The following CDH8 variants were observed in gnomAD, a reference collection of about 807,000 sequenced individuals.
CDH8 encodes cadherin-8.
CDH8 carries 17 observed loss-of-function variants against 68.1 expected under a neutral mutation model. The ratio of observed to expected loss-of-function variants is 0.25; its 90% confidence interval spans 0.17 to 0.37. The LOEUF is 0.37. Ranked by LOEUF, CDH8 falls within the 10% of genes least tolerant of loss-of-function variation. The pLI, the probability that CDH8 is intolerant of heterozygous loss-of-function variation, is 1.00. For synonymous variants in CDH8, 372 were observed against 365.1 expected (o/e 1.02, Z -0.21); for missense variants, 763 against 999.3 (o/e 0.76, Z 3.19).
intron 10 of CDH8, 32 bp downstream of exon 10, chr16:61,713,809 T>C: frequency 9.0e-7 from 1 of 1,114,276 alleles, no homozygotes; most frequent in Non-Finnish European, 1.4e-6. Context: ...CAATTTATAT[T>C]GTACTCTGTT....
At chr16:61,761,225 T>A (rs1453133830) in intron 8 of CDH8, among the ~76,000 whole-genome samples, 1 of 152,162 alleles carries the variant, frequency 6.6e-6, no homozygotes, top group Non-Finnish European at 1.5e-5. Flanking sequence ...AAGAAATAAC[T>A]GCCAATTTCA....
At chr16:61,874,314 T>C (rs72798767) in intron 3 of CDH8, among the ~76,000 whole-genome samples, 5 of 152,056 alleles carry the variant, frequency 3.3e-5, no homozygotes, top group South Asian at 2.1e-4. Context: ...CATTTTCTAC[T>C]TATGATATTT....
chr16:61,940,092 A>G (rs1368518099), intron 2 of CDH8: 2 of 152,202 alleles, frequency 1.3e-5, no homozygotes, highest in Non-Finnish European at 2.9e-5. Context: ...TATCAAAGAG[A>G]AAATACAATT....
At chr16:61,654,816 A>G (rs942720946) in intron 11 of CDH8, among the ~76,000 whole-genome samples, 13 of 152,144 alleles carry the variant, frequency 8.5e-5, no homozygotes, top group Non-Finnish European at 1.9e-4. Context: ...TACCGTCTTT[A>G]TGGTGTTTTG....
chr16:61,680,868 C>A (rs1393791651), intron 10 of CDH8, among the ~76,000 whole-genome samples: 1 of 151,800 alleles, frequency 6.6e-6, no homozygotes. Context: ...GCTGAAAGAA[C>A]AAATAAATGT....
chr16:61,783,596 G>T (rs1293975430), intron 8 of CDH8, among the ~76,000 whole-genome samples: 1 of 150,178 alleles, frequency 6.7e-6, no homozygotes, highest in Non-Finnish European at 1.5e-5. Flanking sequence ...ACGCCACAAA[G>T]ATACTCCTCA....
chr16:61,798,656 G>T (rs576948477), intron 7 of CDH8, among the ~76,000 whole-genome samples: 1 of 152,276 alleles, frequency 6.6e-6, no homozygotes, highest in South Asian at 2.1e-4. Flanking sequence ...ATGAGCAAAT[G>T]AGGCTGTTAT....
intron 9 of CDH8, among the ~76,000 whole-genome samples, chr16:61,720,610 A>G (rs1959209671): frequency 6.6e-6 from 1 of 150,968 alleles, no homozygotes; most frequent in African/African-American, 2.4e-5. Context: ...CGAAAGGTTT[A>G]GGTAGAATGT....
At chr16:62,012,075 A>G (rs542325186) in intron 2 of CDH8, among the ~76,000 whole-genome samples, 1 of 152,352 alleles carries the variant, frequency 6.6e-6, no homozygotes, top group African/African-American at 2.4e-5. Flanking sequence ...GTACAGATGG[A>G]AAATGCTGAA....
intron 2 of CDH8, among the ~76,000 whole-genome samples, chr16:61,930,312 T>C (rs1597073189): frequency 1.4e-5 from 2 of 147,692 alleles, no homozygotes; most frequent in African/African-American, 2.6e-5. Context: ...CACACCCCTA[T>C]GTATACGCAG....
Position 61,842,247 on chromosome 16 carries a change from C to T in CDH8, c.667+14872G>A, listed in dbSNP as rs547504467. Among the ~76,000 whole-genome samples, 11 of 152,038 alleles carry T rather than the reference C, an allele frequency of 7.2e-5. No homozygotes were observed. In the South Asian group the frequency reaches 1.0e-3, roughly 14 times the overall value. On this transcript the variant is annotated intron_variant, in intron 4 of 11. Transcript: ENST00000577390. ...TTTAATGTTTGCTCCCTCTTCAACT[C>T]ATGTTGAAATTTAGATGCCATTGTA...
Position 61,960,048 on chromosome 16 carries a change from T to C in CDH8, c.253-58575A>G, listed in dbSNP as rs865886614. On this transcript the variant is annotated intron_variant, in intron 2 of 11. Coordinates refer to ENST00000577390, the MANE Select transcript of CDH8 (RefSeq NM_001796.5). Reference sequence around the variant, plus strand: ...TACACACACACACACAACATATATGTATGTATGTGTGTGTGTATACACATA... The same window carrying C: ...TACACACACACACACAACATATATGCATGTATGTGTGTGTGTATACACATA... Among the ~76,000 whole-genome samples the C allele has an allele frequency of 4.1e-4, 41 of 100,126 alleles. 4 individuals are homozygous for C. The highest frequency in any genetic ancestry group is 1.2e-3 in the African/African-American group (26 of 21,638). 65.7% of individuals were successfully genotyped at this position (100,126 alleles called of 152,430 possible). A position where few individuals can be genotyped will look rare whatever the true frequency, so the allele number is the denominator to read the frequency against.
At chr16:61,985,100 C>T (rs1406512786) in intron 2 of CDH8, among the ~76,000 whole-genome samples, 1 of 151,408 alleles carries the variant, frequency 6.6e-6, no homozygotes, top group Non-Finnish European at 1.5e-5. Context: ...ACTTTTTTTT[C>T]CTCAAGAATG....
chr16:61,827,978 G>A (rs1264594140), intron 4 of CDH8, among the ~76,000 whole-genome samples: 1 of 151,860 alleles, frequency 6.6e-6, no homozygotes, highest in Admixed American at 6.6e-5. Context: ...TTGAATAGGG[G>A]TTAGGTAAAA....
intron 3 of CDH8, among the ~76,000 whole-genome samples, chr16:61,876,820 T>C (rs1963471476): frequency 6.6e-6 from 1 of 152,074 alleles, no homozygotes; most frequent in Non-Finnish European, 1.5e-5. Context: ...AGCATTATCC[T>C]AGATTTAATG....
At chr16:61,913,531 A>C (rs879863114) in intron 2 of CDH8, among the ~76,000 whole-genome samples, 1 of 152,298 alleles carries the variant, frequency 6.6e-6, no homozygotes, top group Admixed American at 6.5e-5. Flanking sequence ...AGATTTGGAA[A>C]TGGTGCCTAG....
intron 3 of CDH8, among the ~76,000 whole-genome samples, chr16:61,883,594 A>T (rs983627507): frequency 2.0e-5 from 3 of 151,716 alleles, no homozygotes; most frequent in Non-Finnish European, 2.9e-5. Context: ...ATCAAAATTC[A>T]TATGAATAAA....
At chr16:61,906,239 A>G (rs1047386420) in intron 2 of CDH8, among the ~76,000 whole-genome samples, 1 of 152,210 alleles carries the variant, frequency 6.6e-6, no homozygotes, top group Admixed American at 6.5e-5. Flanking sequence ...TGTGCTTACA[A>G]GCAAACAATA....
Position 61,650,371 on chromosome 16 carries a change from G to A in CDH8, c.*3237C>T, listed in dbSNP as rs1319647333. On this transcript the variant is annotated 3_prime_UTR_variant, in exon 12 of 12. Transcript: ENST00000577390. ...GTGGGAACCTTGAATTGTGAGGTAG[G>A]CAGAGGGAGATAACTTTGTCTCACT... 6.6e-6 allele frequency: 1 copy of A among 152,042 alleles called. No individual in the cohort carries two copies. The highest frequency in any genetic ancestry group is 1.5e-5 in the Non-Finnish European group (1 of 67,996). 9.4% of individuals were successfully genotyped at this position (152,042 alleles called of 1,614,324 possible). A position where few individuals can be genotyped will look rare whatever the true frequency, so the allele number is the denominator to read the frequency against.
Sources: gnomAD v4.1 joint callset for allele counts (sites outside exome capture counted in the v4.1 genomes callset) on GRCh38, gnomAD v4.1.1 for gene constraint, MANE v1.5 for transcripts, NCBI Gene and HGNC (gene_info 2026-07-23, HGNC 2026-07-21) for gene names.